Variants in AAK1 observed in about 807,000 individuals in gnomAD.
AAK1 encodes AP2-associated protein kinase 1.
In AAK1, 37 loss-of-function variants were observed where a neutral mutation model predicts 116.0. The ratio of observed to expected loss-of-function variants is 0.32; its 90% confidence interval spans 0.25 to 0.42. The LOEUF (loss-of-function observed/expected upper bound fraction) is 0.42, where lower values mean the gene tolerates loss of function less well. Ranked by LOEUF, AAK1 falls within the 10% of genes least tolerant of loss-of-function variation. AAK1 has a pLI of 1.00. For synonymous variants in AAK1, 458 were observed against 439.9 expected, an observed-to-expected ratio of 1.04 and a Z score of -0.51; for missense variants, 919 against 1,170.6, an observed-to-expected ratio of 0.79 and a Z score of 3.14.
chr2:69,468,092 A>C lies in AAK1; in HGVS notation c.*7777T>G. On this transcript the variant is annotated 3_prime_UTR_variant, in exon 22 of 22. Transcript: ENST00000409085. The stretch of plus-strand genomic sequence containing the variant: ...TGTACTGGTGCCAAATGGCTTTCAG[A>C]ATAGTATTTGAAGAATAAGATTTTG... The C allele has an allele frequency of 1.0e-6, 1 of 985,390 alleles. No individual in the cohort carries two copies. The highest frequency in any genetic ancestry group is 1.2e-6 in the Non-Finnish European group (1 of 829,892). 61.0% of individuals were successfully genotyped at this position (985,390 alleles called of 1,614,324 possible).
intron 17 of AAK1, among the ~76,000 whole-genome samples, chr2:69,489,450 CAA>C (rs70954346): frequency 5.9e-5 from 7 of 119,298 alleles, no homozygotes; most frequent in Admixed American, 8.4e-5. Context: ...GACTCCGTCT[CAA>C]AAAAAAAAAA....
chr2:69,596,940 G>C (rs1346685602), intron 2 of AAK1, among the ~76,000 whole-genome samples: 3 of 152,164 alleles, frequency 2.0e-5, no homozygotes, highest in Admixed American at 6.5e-5. Context: ...TAGAAGGCGA[G>C]GGTGTTACCA....
chr2:69,522,982 TG>T (rs1174225300), intron 10 of AAK1, among the ~76,000 whole-genome samples: 1 of 152,150 alleles, frequency 6.6e-6, no homozygotes, highest in African/African-American at 2.4e-5. Flanking sequence ...ACTAAGTAAC[TG>T]TGTGATAATG....
At chr2:69,546,612 G>A (rs1035305035) in intron 3 of AAK1, among the ~76,000 whole-genome samples, 2 of 152,170 alleles carry the variant, frequency 1.3e-5, no homozygotes, top group Non-Finnish European at 2.9e-5. Flanking sequence ...CATCCTAAGA[G>A]GAATAATAAA....
At chr2:69,618,686 T>C (rs1195604060) in intron 2 of AAK1, among the ~76,000 whole-genome samples, 2 of 151,680 alleles carry the variant, frequency 1.3e-5, no homozygotes, top group Non-Finnish European at 2.9e-5. Flanking sequence ...CTGTAGCATC[T>C]TGGCTTCCCT....
intron 5 of AAK1, among the ~76,000 whole-genome samples, chr2:69,532,855 G>C (rs1295581371): frequency 6.6e-6 from 1 of 152,076 alleles, no homozygotes; most frequent in Non-Finnish European, 1.5e-5. Context: ...GAATTCTTTG[G>C]GCAGTGAGTT....
chr2:69,586,381 G>A (rs1558981776), intron 2 of AAK1, among the ~76,000 whole-genome samples: 2 of 152,084 alleles, frequency 1.3e-5, no homozygotes, highest in Non-Finnish European at 2.9e-5. Flanking sequence ...GGGCTTTGGA[G>A]GCAACTTACC....
chr2:69,542,654 C>T lies in AAK1; in HGVS notation c.403G>A (p.Val135Ile). ...TGCAGGCGCTGGTTCATCAGGTTTA[C>T]CACCTGGCCACCTGAGGGGGTACGT... ...LMDFCRGGQV[V>I]NLMNQRLQTG... Residue 135 changes from valine to isoleucine, a missense_variant, in exon 5 of 22, where the codon GTA becomes ATA. Val to Ile is a conservative substitution (Grantham distance 29). Around this residue, in one of 4 missense-constraint regions of AAK1, gnomAD observed 317 missense variants for 490.4 expected, o/e 0.65. Transcript: ENST00000409085. 2.5e-6 allele frequency: 4 copies of T among 1,613,732 alleles called. No homozygotes were observed. The highest frequency in any genetic ancestry group is 3.4e-6 in the Non-Finnish European group (4 of 1,179,842).
At chr2:69,489,599 G>A (rs1675443319) in intron 17 of AAK1, among the ~76,000 whole-genome samples, 1 of 152,098 alleles carries the variant, frequency 6.6e-6, no homozygotes, top group South Asian at 2.1e-4. Flanking sequence ...CCGAATACCA[G>A]CCCCACCAAA....
intron 10 of AAK1, 117 bp from the exon 11 acceptor site, chr2:69,521,105 C>G: frequency 9.0e-7 from 1 of 1,113,792 alleles, no homozygotes; most frequent in South Asian, 1.5e-5. Context: ...TCTGTTTAAT[C>G]GATGCTTCCC....
At position 69,472,744 on chromosome 2, in the gene AAK1, G is replaced by A; in HGVS notation, c.*3125C>T. On this transcript the variant is annotated 3_prime_UTR_variant, in exon 22 of 22. Transcript: ENST00000409085. ...AGCAAATCAGAAACATATGCTTATAGTATTTGCCCGTTTTAAACTGGTAGA... is the reference window on the plus strand; with the variant it reads ...AGCAAATCAGAAACATATGCTTATAATATTTGCCCGTTTTAAACTGGTAGA... 1 of 985,376 alleles carries A rather than the reference G, an allele frequency of 1.0e-6. No individual in the cohort carries two copies. Among genetic ancestry groups the A allele is most frequent in the Non-Finnish European group, 1.2e-6 (1 of 829,900 alleles). 61.0% of individuals were successfully genotyped at this position (985,376 alleles called of 1,614,324 possible). A position where few individuals can be genotyped will look rare whatever the true frequency, so the allele number is the denominator to read the frequency against.
intron 2 of AAK1, among the ~76,000 whole-genome samples, chr2:69,584,319 C>T (rs956390433): frequency 2.0e-4 from 31 of 152,224 alleles, no homozygotes; most frequent in Non-Finnish European, 3.5e-4. Context: ...CTTCTCTCCA[C>T]CTCATTCCGA....
intron 2 of AAK1, among the ~76,000 whole-genome samples, chr2:69,640,166 T>A (rs1675656432): frequency 6.6e-6 from 1 of 151,922 alleles, no homozygotes; most frequent in Non-Finnish European, 1.5e-5. Context: ...GTTAATTATA[T>A]ATATTGCCTC....
At chr2:69,532,363 G>C (rs1156705419) in intron 5 of AAK1, among the ~76,000 whole-genome samples, 1 of 152,144 alleles carries the variant, frequency 6.6e-6, no homozygotes, top group Non-Finnish European at 1.5e-5. Context: ...GGAAAAGTGG[G>C]TGGAGAGGGA....
At chr2:69,578,054 C>T (rs1009025127) in intron 2 of AAK1, among the ~76,000 whole-genome samples, 1 of 152,116 alleles carries the variant, frequency 6.6e-6, no homozygotes, top group Admixed American at 6.5e-5. Context: ...TTCCCTCCCT[C>T]GGGCTGTTAA....
chr2:69,476,813 T>TAGGTGCATGACTATTTTGAAGAGAAC, intron 21 of AAK1, 67 bp downstream of exon 21: 1 of 1,088,956 alleles, frequency 9.2e-7, no homozygotes, highest in South Asian at 1.4e-5. Flanking sequence ...CCTTGCAGAT[T>TAGGTGCATGACTATTTTGAAGAGAAC]AGGTGCATGA....
At chr2:69,610,320 A>AC in intron 2 of AAK1, among the ~76,000 whole-genome samples, 1 of 152,278 alleles carries the variant, frequency 6.6e-6, no homozygotes, top group Middle Eastern at 3.4e-3. Flanking sequence ...AAAAAGGAGG[A>AC]CCCCTTCTTA....
chr2:69,519,227 C>A lies in AAK1; in HGVS notation c.1224G>T (p.Gln408His). The A allele has an allele frequency of 6.3e-7, 1 of 1,580,424 alleles. No homozygotes were observed. Among genetic ancestry groups the A allele is most frequent in the Non-Finnish European group, 8.6e-7 (1 of 1,162,964 alleles). The stretch of plus-strand genomic sequence containing the variant: ...GGGGAACACTGGCTAAAAGGCCAGG[C>A]TGATTGCTGGATCCTGCAATGAGAA... ...PPPQAAGSSNQPGLLASVPQP... is the reference protein window; with the variant it reads ...PPPQAAGSSNHPGLLASVPQP... Residue 408 changes from glutamine to histidine, a missense_variant, in exon 12 of 22, where the codon CAG (glutamine) becomes CAT (histidine). This residue lies in a region of AAK1 where 214 missense variants were observed against 210.6 expected (regional missense o/e 1.02). Coordinates refer to ENST00000409085, the MANE Select transcript of AAK1 (RefSeq NM_014911.5).
chr2:69,517,693 T>C (rs1218991755), intron 12 of AAK1, among the ~76,000 whole-genome samples: 2 of 145,098 alleles, frequency 1.4e-5, no homozygotes, highest in Non-Finnish European at 3.0e-5. Context: ...AATGACACCA[T>C]AGCATGCAAT....
Sources: gnomAD v4.1 joint callset for allele counts (sites outside exome capture counted in the v4.1 genomes callset) on GRCh38, gnomAD v4.1.1 for gene constraint, gnomAD v4.1.1 regional missense constraint, MANE v1.5 for transcripts, NCBI Gene and HGNC (gene_info 2026-07-23, HGNC 2026-07-21) for gene names.